The following MEA1 variants were observed in gnomAD, a reference collection of about 807,000 sequenced individuals.
MEA1 encodes the protein male-enhanced antigen 1.
MEA1 carries 22 observed loss-of-function variants against 21.4 expected under a neutral mutation model. The observed-to-expected ratio is 1.03, with a 90% CI of 0.73 to 1.47. The LOEUF is 1.47. Among genes scored for constraint, MEA1 ranks in the 40% most tolerant of loss-of-function variants. The pLI is 0.00. For missense variants in MEA1, 233 were observed against 230.5 expected, an observed-to-expected ratio of 1.01 and a Z score of -0.07; for synonymous variants, 91 against 85.5, an observed-to-expected ratio of 1.06 and a Z score of -0.35.
rs1204433269 is a variant in MEA1, at chr6:43,011,316, C to T, written c.*1154G>A. On this transcript the variant is annotated 3_prime_UTR_variant, in exon 4 of 4. Coordinates refer to ENST00000244711, the MANE Select transcript of MEA1 (RefSeq NM_014623.4). ...TCACGTTCCTACCACAGGGCCACAGCCCACACAGCCCTGGGACACTGCCCT... is the reference window on the plus strand; with the variant it reads ...TCACGTTCCTACCACAGGGCCACAGTCCACACAGCCCTGGGACACTGCCCT... The T allele has an allele frequency of 1.2e-6, 2 of 1,612,622 alleles. No individual in the cohort carries two copies. The highest frequency in any genetic ancestry group is 1.7e-5 in the Admixed American group (1 of 59,972).
chr6:43,014,309 G>C (rs962371683), upstream of MEA1: 8 of 663,962 alleles, frequency 1.2e-5, 1 homozygote, highest in South Asian at 1.5e-4. Flanking sequence ...GCTGCAGGCA[G>C]CTCGAGGACC....
In MEA1 at chr6:43,012,951, G is replaced by A. The variant is rs766744968; in HGVS notation, c.381C>T (p.Asn127=). ...CTGGGTCCATGGGAATAGAGCTGTG[G>A]TTGTTCAACGCTGTAGCTCCCTCCT... ...EDEEGATALN[N]HSSIPMDPEH... Residue 127 remains asparagine, a synonymous_variant, in exon 3 of 4, where the codon AAC becomes AAT. Transcript: ENST00000244711. 4.0e-5 allele frequency: 65 copies of A among 1,614,028 alleles called. No homozygotes were observed. Among genetic ancestry groups the A allele is most frequent in the African/African-American group, 5.3e-5 (4 of 74,926 alleles).
upstream of MEA1, chr6:43,014,157 G>C: frequency 3.5e-6 from 5 of 1,414,886 alleles, no homozygotes; most frequent in Non-Finnish European, 4.6e-6. Flanking sequence ...CTCAGGAAAC[G>C]TATGGACTAC....
chr6:43,013,004 G>C lies in MEA1; in HGVS notation c.328C>G (p.Pro110Ala). 3.1e-6 allele frequency: 5 copies of C among 1,614,124 alleles called. No homozygotes were observed. The highest frequency in any genetic ancestry group is 4.2e-6 in the Non-Finnish European group (5 of 1,180,034). The stretch of plus-strand genomic sequence containing the variant: ...TCTTCATCTTCACTCTCTAATGGTG[G>C]GTCTGGCAAATGAAGCCCCAGGGCC... ...IQALGLHLPD[P>A]PLESEDEDEE... The change falls in exon 3 of 4, where the codon CCA becomes GCA. Residue 110 changes from proline to alanine, a missense_variant. Transcript: ENST00000244711.
upstream of MEA1, chr6:43,014,015 G>T: frequency 7.1e-7 from 1 of 1,416,450 alleles, no homozygotes; most frequent in Non-Finnish European, 9.2e-7. Context: ...TCCGCCCCTT[G>T]CCCCGCCTCC....
Position 43,012,285 on chromosome 6 carries a change from T to C in MEA1, c.*185A>G. ...ACAGAGTGATACATGCTAAGGTGGGTTGGGCTTGGACCGATGTCCCCATAT... is the reference window on the plus strand; with the variant it reads ...ACAGAGTGATACATGCTAAGGTGGGCTGGGCTTGGACCGATGTCCCCATAT... On this transcript the variant is annotated 3_prime_UTR_variant, in exon 4 of 4. Transcript: ENST00000244711. 1 of 1,364,036 alleles carries C rather than the reference T, an allele frequency of 7.3e-7. No homozygotes were observed. Among genetic ancestry groups the C allele is most frequent in the Admixed American group, 2.8e-5 (1 of 36,342 alleles). The allele number at this position is 1,364,036 out of a possible 1,614,324, so 84.5% of individuals were successfully genotyped here. A position where few individuals can be genotyped will look rare whatever the true frequency, so the allele number is the denominator to read the frequency against.
At position 43,013,272 on chromosome 6, in the gene MEA1, C is replaced by G. The variant is rs1463324025; in HGVS notation, c.146G>C (p.Trp49Ser). The G allele has an allele frequency of 3.7e-6, 6 of 1,614,072 alleles. No individual in the cohort carries two copies. Among genetic ancestry groups the G allele is most frequent in the Non-Finnish European group, 4.2e-6 (5 of 1,180,038 alleles). ...CTCTTCCTCAGGCTCCTCACTGCTC[C>G]AATCCCCAGTGCCTTCTGAAGGGCC... is the stretch of plus-strand genomic sequence containing the variant. ...HQGPSEGTGD[W>S]SSEEPEEEQE... Residue 49 changes from tryptophan (W) to serine (S), a missense_variant, in exon 2 of 4, where the codon TGG becomes TCG. Physicochemically the swap from Trp to Ser is radical, Grantham distance 177. Coordinates refer to ENST00000244711, the MANE Select transcript of MEA1 (RefSeq NM_014623.4).
In MEA1 at chr6:43,013,508, G is replaced by A. The variant is rs1762453383; in HGVS notation, c.29-119C>T. On this transcript the variant is annotated intron_variant, in intron 1 of 3. Transcript: ENST00000244711. The stretch of plus-strand genomic sequence containing the variant: ...AAACCAGCTCCTCCCCGAGGCTCCT[G>A]CATCCTCCACCCCTCCGCCCCAATT... 5.3e-6 allele frequency: 6 copies of A among 1,132,526 alleles called. No individual in the cohort carries two copies. The African/African-American group carries it at 6.3e-5, about 12-fold the overall frequency. The allele number at this position is 1,132,526 out of a possible 1,614,324, so 70.2% of individuals were successfully genotyped here. A position where few individuals can be genotyped will look rare whatever the true frequency, so the allele number is the denominator to read the frequency against.
In MEA1 at chr6:43,013,049, G is replaced by GT. The variant is rs759854078; in HGVS notation, c.304-22dup. On this transcript the variant is annotated intron_variant, in intron 2 of 3. Coordinates refer to ENST00000244711, the MANE Select transcript of MEA1 (RefSeq NM_014623.4). ...AGGGCCTGCAGAGCCACAGAAGACCGTTTGGGTCTAGGCTTTCAGGGAGCC... is the reference window on the plus strand; with the variant it reads ...AGGGCCTGCAGAGCCACAGAAGACCGTTTTGGGTCTAGGCTTTCAGGGAGCC... 3.1e-6 allele frequency: 5 copies of GT among 1,613,760 alleles called. No individual in the cohort carries two copies. In the Admixed American group the frequency reaches 8.3e-5, roughly 27 times the overall value.
chr6:43,012,231 G>T lies in MEA1; in HGVS notation c.*239C>A. 2 of 1,224,930 alleles carry T rather than the reference G, an allele frequency of 1.6e-6. No individual in the cohort carries two copies. The highest frequency in any genetic ancestry group is 3.4e-5 in the South Asian group (1 of 29,244). 75.9% of individuals were successfully genotyped at this position (1,224,930 alleles called of 1,614,324 possible). On this transcript the variant is annotated 3_prime_UTR_variant, in exon 4 of 4. Coordinates refer to ENST00000244711, the MANE Select transcript of MEA1 (RefSeq NM_014623.4). ...CAGGGGCGCAGGCAGTGCGGCTTTT[G>T]GCTGTGTACATAGGGTGCTTTATTC...
rs1762477214 is a variant in MEA1, at chr6:43,013,860, C to G, written c.-47G>C. 8 of 1,528,706 alleles carry G rather than the reference C, an allele frequency of 5.2e-6. No homozygotes were observed. The highest frequency in any genetic ancestry group is 1.4e-5 in the African/African-American group (1 of 71,702). The allele number at this position is 1,528,706 out of a possible 1,614,324, so 94.7% of individuals were successfully genotyped here. On this transcript the variant is annotated 5_prime_UTR_variant, in exon 1 of 4. An upstream start codon of the reference 5' UTR is lost. Coordinates refer to ENST00000244711, the MANE Select transcript of MEA1 (RefSeq NM_014623.4). ...AGCTGCAGCGTCCCCCACCCGCCCCCATCCGAATCCCGGCGCCGGTGTTCC... is the reference window on the plus strand; with the variant it reads ...AGCTGCAGCGTCCCCCACCCGCCCCGATCCGAATCCCGGCGCCGGTGTTCC...
Position 43,013,123 on chromosome 6 carries a change from G to T in MEA1, c.295C>A (p.Arg99=). Residue 99 remains arginine, a synonymous_variant, in exon 2 of 4, where the codon CGA becomes AGA. Coordinates refer to ENST00000244711, the MANE Select transcript of MEA1 (RefSeq NM_014623.4). ...TCCCTCCTCCACCCTACCTGGATTC[G>T]ATCCTGGATGTCAGCAACTACATCT... The part of the protein sequence containing the change: ...DGDVVADIQD[R]IQALGLHLPD... The T allele has an allele frequency of 6.2e-7, 1 of 1,613,900 alleles. No individual in the cohort carries two copies. Among genetic ancestry groups the T allele is most frequent in the Non-Finnish European group, 8.5e-7 (1 of 1,180,010 alleles).
At position 43,011,403 on chromosome 6, in the gene MEA1, T is replaced by A. The variant is rs149207848; in HGVS notation, c.*1067A>T. On this transcript the variant is annotated 3_prime_UTR_variant, in exon 4 of 4. Transcript: ENST00000244711. ...GGGAAGGCAGCGCCTCTCTAGCTACTCAAGGGAGGGGGATGTGGGCACTTG... is the reference window on the plus strand; with the variant it reads ...GGGAAGGCAGCGCCTCTCTAGCTACACAAGGGAGGGGGATGTGGGCACTTG... 584 of 1,374,296 alleles carry A rather than the reference T, an allele frequency of 4.2e-4. 1 individual carries two copies. In the African/African-American group the frequency reaches 7.6e-3, roughly 18 times the overall value. The allele number at this position is 1,374,296 out of a possible 1,614,324, so 85.1% of individuals were successfully genotyped here.
At position 43,011,441 on chromosome 6, in the gene MEA1, C is replaced by A; in HGVS notation, c.*1029G>T. On this transcript the variant is annotated 3_prime_UTR_variant, in exon 4 of 4. Coordinates refer to ENST00000244711, the MANE Select transcript of MEA1 (RefSeq NM_014623.4). ...ATGTGGGCACTTGAAGCAGGGACAC[C>A]CACAGAATGGTCCCTCTTCTCCCCA... is the stretch of plus-strand genomic sequence containing the variant. 2 of 1,013,282 alleles carry A rather than the reference C, an allele frequency of 2.0e-6. No homozygotes were observed. The highest frequency in any genetic ancestry group is 1.7e-5 in the South Asian group (1 of 60,076). The allele number at this position is 1,013,282 out of a possible 1,614,324, so 62.8% of individuals were successfully genotyped here. A position where few individuals can be genotyped will look rare whatever the true frequency, so the allele number is the denominator to read the frequency against.
chr6:43,011,558 T>C lies in MEA1; in HGVS notation c.*912A>G. On this transcript the variant is annotated 3_prime_UTR_variant, in exon 4 of 4. Transcript: ENST00000244711. ...CTGGGGATGCCTGTCCCCTACCTGC[T>C]CCTCACCCACAGCTACCTGAGGCTG... 1 of 511,474 alleles carries C rather than the reference T, an allele frequency of 2.0e-6. No homozygotes were observed. The highest frequency in any genetic ancestry group is 3.5e-6 in the Non-Finnish European group (1 of 283,418). 31.7% of individuals were successfully genotyped at this position (511,474 alleles called of 1,614,324 possible). A position where few individuals can be genotyped will look rare whatever the true frequency, so the allele number is the denominator to read the frequency against.
Position 43,013,090 on chromosome 6 carries a change from A to G in MEA1, c.303+25T>C, listed in dbSNP as rs769735425. The G allele has an allele frequency of 6.8e-6, 11 of 1,613,970 alleles. No individual in the cohort carries two copies. In the Admixed American group the frequency reaches 1.3e-4, roughly 20 times the overall value. ...TCAGGGAGCCCAGCTTCACCTGTTCAGGAACCATCCCTCCTCCACCCTACC... is the reference window on the plus strand; with the variant it reads ...TCAGGGAGCCCAGCTTCACCTGTTCGGGAACCATCCCTCCTCCACCCTACC... On this transcript the variant is annotated intron_variant, in intron 2 of 3. Coordinates refer to ENST00000244711, the MANE Select transcript of MEA1 (RefSeq NM_014623.4).
In MEA1 at chr6:43,011,769, C is replaced by G. The variant is rs560993404; in HGVS notation, c.*701G>C. 15 of 169,452 alleles carry G rather than the reference C, an allele frequency of 8.9e-5. No individual in the cohort carries two copies. Among genetic ancestry groups the G allele is most frequent in the East Asian group, 3.5e-4 (2 of 5,740 alleles). 10.5% of individuals were successfully genotyped at this position (169,452 alleles called of 1,614,324 possible). On this transcript the variant is annotated 3_prime_UTR_variant, in exon 4 of 4. Transcript: ENST00000244711. ...GAGTAGCTGAAGGGAAGCCAACCCC[C>G]CTGCAGCACAAATAGGCCCCCCAGT...
chr6:43,014,447 T>TGGGGG (rs1762506395), upstream of MEA1: 1 of 210,280 alleles, frequency 4.8e-6, no homozygotes, highest in African/African-American at 8.8e-5. Flanking sequence ...AGTGATGAGG[T>TGGGGG]GGGGGTGGGG....
At chr6:43,015,704 G>A (rs1360151654), upstream of MEA1, among the ~76,000 whole-genome samples, 1 of 151,940 alleles carries the variant, frequency 6.6e-6, no homozygotes, top group Admixed American at 6.6e-5. Context: ...ACAAAAATTA[G>A]CTGGGCATGG....
Sources: allele counts gnomAD v4.1 joint callset (sites outside exome capture counted in the v4.1 genomes callset), GRCh38; gene constraint gnomAD v4.1.1; transcripts MANE v1.5; gene names NCBI Gene and HGNC (gene_info 2026-07-23, HGNC 2026-07-21).